The following NLRC3 variants were observed in gnomAD, a reference collection of about 807,000 sequenced individuals.
NLRC3 encodes the protein NLR family CARD domain-containing protein 3.
Under a neutral mutation model 91.6 loss-of-function variants are expected in NLRC3, and 87 were observed. The observed-to-expected ratio is 0.95, with a 90% confidence interval of 0.80 to 1.14. The LOEUF is 1.14. NLRC3 is among the 50% of genes most tolerant of loss of function. The pLI, the probability that NLRC3 is intolerant of heterozygous loss-of-function variation, is 0.00. For synonymous variants in NLRC3, 694 were observed against 625.3 expected (o/e 1.11, Z -1.64); for missense variants, 1,577 against 1,418.6 (o/e 1.11, Z -1.79).
intron 10 of NLRC3, among the ~76,000 whole-genome samples, chr16:3,551,975 C>G (rs55840537): frequency 9.6e-6 from 1 of 103,740 alleles, no homozygotes; most frequent in Non-Finnish European, 2.0e-5. Context: ...CAGTGTATCC[C>G]TTCATTCATC....
At chr16:3,542,464 C>T (rs895717751) in intron 18 of NLRC3, among the ~76,000 whole-genome samples, 190 bp from the exon 19 acceptor site, 5 of 152,170 alleles carry the variant, frequency 3.3e-5, no homozygotes, top group East Asian at 1.9e-4. Flanking sequence ...CACGCAAGTG[C>T]GCTGGAGGAT....
Position 3,558,066 on chromosome 16 carries a change from G to A in NLRC3, c.2016-390C>T, listed in dbSNP as rs747084078. ...CAAAATTTCAAAAACTGGGCTGTGC[G>A]TGGTGGCTCATGCCTATACAATCCC... On this transcript the variant is annotated intron_variant, in intron 6 of 19. Transcript: ENST00000359128. Among the ~76,000 whole-genome samples, 24 of 152,338 alleles carry A rather than the reference G, an allele frequency of 1.6e-4. No individual in the cohort carries two copies. The East Asian group carries it at 2.3e-3, about 15-fold the overall frequency.
intron 11 of NLRC3, 46 bp downstream of exon 11, chr16:3,550,368 G>T: frequency 7.4e-7 from 1 of 1,352,274 alleles, no homozygotes; most frequent in South Asian, 1.2e-5. Context: ...ACTATCTACT[G>T]GAAAGAGAAC....
rs982779950 is a variant in NLRC3, at chr16:3,572,990, C to T, written c.-169+4159G>A. On this transcript the variant is annotated intron_variant, in intron 1 of 19. Transcript: ENST00000359128. ...TGGTGCCACTGCACTCTAGCCTGGG[C>T]GATAGAGCAAGACTCTATCTCAAAA... 1.4e-4 allele frequency among the ~76,000 whole-genome samples: 17 copies of T among 124,766 alleles called. 1 individual carries two copies. The highest frequency in any genetic ancestry group is 6.3e-3 in the Middle Eastern group (1 of 160). The allele number at this position is 124,766 out of a possible 152,430, so 81.9% of individuals were successfully genotyped here.
At chr16:3,546,450 G>A (rs573176567) in intron 15 of NLRC3, among the ~76,000 whole-genome samples, 5 of 151,722 alleles carry the variant, frequency 3.3e-5, no homozygotes, top group East Asian at 1.9e-4. Flanking sequence ...CCAGCTACTC[G>A]GGAGGCTAAG....
At position 3,540,928 on chromosome 16, in the gene NLRC3, G is replaced by T. The variant is rs1298089845; in HGVS notation, c.*897C>A. ...TTGTAATAAATAAAAAATGGGGCCA[G>T]GTGTGGTGGCTCATGCCTGTAATCC... On this transcript the variant is annotated 3_prime_UTR_variant, in exon 20 of 20. Coordinates refer to ENST00000359128, the MANE Select transcript of NLRC3 (RefSeq NM_178844.4). 1 of 152,306 alleles carries T rather than the reference G, an allele frequency of 6.6e-6. No individual in the cohort carries two copies. The highest frequency in any genetic ancestry group is 2.4e-5 in the African/African-American group (1 of 41,464). The allele number at this position is 152,306 out of a possible 1,614,324, so 9.4% of individuals were successfully genotyped here. A position where few individuals can be genotyped will look rare whatever the true frequency, so the allele number is the denominator to read the frequency against.
intron 7 of NLRC3, among the ~76,000 whole-genome samples, 185 bp downstream of exon 7, chr16:3,557,407 GA>G (rs1479779428): frequency 3.3e-5 from 5 of 152,180 alleles, no homozygotes; most frequent in Non-Finnish European, 7.3e-5. Context: ...AGGAGTCTTA[GA>G]ACCTGCTCCA....
Position 3,562,967 on chromosome 16 carries a change from T to C in NLRC3, c.1928+42A>G, listed in dbSNP as rs898997789. ...GGAGGGGACGGCTTCTGCTCTCTCC[T>C]CTGCCCCTTCCCCAGCCCCTGCCCC... On this transcript the variant is annotated intron_variant, in intron 5 of 19. Coordinates refer to ENST00000359128, the MANE Select transcript of NLRC3 (RefSeq NM_178844.4). 42 of 1,521,802 alleles carry C rather than the reference T, an allele frequency of 2.8e-5. No homozygotes were observed. In the African/African-American group the frequency reaches 4.8e-4, roughly 17 times the overall value. The allele number at this position is 1,521,802 out of a possible 1,614,324, so 94.3% of individuals were successfully genotyped here.
At position 3,563,165 on chromosome 16, in the gene NLRC3, G is replaced by T. The variant is rs2039686834; in HGVS notation, c.1772C>A (p.Ala591Asp). The change falls in exon 5 of 20, where the codon GCC (alanine) becomes GAC (aspartate). Residue 591 changes from alanine (A) to aspartate (D), a missense_variant. Ala to Asp is a moderately radical substitution (Grantham distance 126). Coordinates refer to ENST00000359128, the MANE Select transcript of NLRC3 (RefSeq NM_178844.4). The stretch of plus-strand genomic sequence containing the variant: ...CGCGGGACCAGTCAGCCTGGCCAGG[G>T]CCCCGCTCTCCATGGCCTCCTCCAC... Reference protein sequence around the residue: ...RSVEEAMESGALARLTGPAHR... With the variant: ...RSVEEAMESGDLARLTGPAHR... 1 of 1,591,412 alleles carries T rather than the reference G, an allele frequency of 6.3e-7. No homozygotes were observed. Among genetic ancestry groups the T allele is most frequent in the Non-Finnish European group, 8.5e-7 (1 of 1,171,424 alleles).
In NLRC3 at chr16:3,564,962, C is replaced by T. The variant is rs2039811778; in HGVS notation, c.75G>A (p.Val25=). 5 of 1,610,720 alleles carry T rather than the reference C, an allele frequency of 3.1e-6. No individual in the cohort carries two copies. The highest frequency in any genetic ancestry group is 1.7e-5 in the Admixed American group (1 of 59,966). The change falls in exon 4 of 20, where the codon GTG becomes GTA. Residue 25 remains valine (V), a synonymous_variant. Transcript: ENST00000359128. The surrounding 1 kb of genome is among the most constrained non-coding windows in gnomAD (Gnocchi z 5.9). ...CAGCCAGCAGATCCATGAGGGCTTT[C>T]ACCTGCTCGGCTGGGGAGCCCGTAC... ...GHGTGSPAEQ[V]KALMDLLAGK... is the part of the protein sequence containing the mutation.
At chr16:3,554,955 T>C (rs1258524038) in intron 8 of NLRC3, among the ~76,000 whole-genome samples, 1 of 152,042 alleles carries the variant, frequency 6.6e-6, no homozygotes, top group Non-Finnish European at 1.5e-5. Flanking sequence ...AGAGGCTGGG[T>C]ACAGTGGCTC....
Position 3,542,230 on chromosome 16 carries a change from G to A in NLRC3, c.3068C>T (p.Ala1023Val), listed in dbSNP as rs780808147. 13 of 1,594,974 alleles carry A rather than the reference G, an allele frequency of 8.2e-6. No homozygotes were observed. Among genetic ancestry groups the A allele is most frequent in the Non-Finnish European group, 1.1e-5 (13 of 1,170,630 alleles). ...CCTGTGGTTTCCAGACAGTGCTGTG[G>A]CAATGCATATCGCCCCGTCCATCCC... ...SLGMDGAICI[A>V]TALSGNHRLQ... The change falls in exon 19 of 20, where the codon GCC becomes GTC. Residue 1023 changes from alanine (A) to valine (V), a missense_variant. Ala to Val is a moderately conservative substitution (Grantham distance 64). Transcript: ENST00000359128.
chr16:3,567,521 C>G (rs2039928688), intron 1 of NLRC3, 197 bp from the exon 2 acceptor site: 1 of 152,228 alleles, frequency 6.6e-6, no homozygotes, highest in South Asian at 2.1e-4. Flanking sequence ...CGCCTGTAAT[C>G]CCAGCATTTT....
chr16:3,563,109 C>T lies in NLRC3; in HGVS notation c.1828G>A (p.Val610Met). ...HRAALAYLLQ[V>M]SDACAQEANL... ...GCCTCCTGGGCACAGGCGTCGGACACCTGCAGGAGGTAGGCCAGGGCAGCG... is the reference window on the plus strand; with the variant it reads ...GCCTCCTGGGCACAGGCGTCGGACATCTGCAGGAGGTAGGCCAGGGCAGCG... The change falls in exon 5 of 20, where the codon GTG becomes ATG. Residue 610 changes from valine to methionine, a missense_variant. Physicochemically the swap from Val to Met is conservative, Grantham distance 21. Coordinates refer to ENST00000359128, the MANE Select transcript of NLRC3 (RefSeq NM_178844.4). The T allele has an allele frequency of 1.3e-6, 2 of 1,579,000 alleles. No homozygotes were observed. The highest frequency in any genetic ancestry group is 1.7e-6 in the Non-Finnish European group (2 of 1,163,322).
intron 1 of NLRC3, among the ~76,000 whole-genome samples, chr16:3,567,953 C>G (rs1178195440): frequency 6.6e-6 from 1 of 151,126 alleles, no homozygotes; most frequent in African/African-American, 2.4e-5. Flanking sequence ...GAAACTTCTG[C>G]CTCCCAGGTT....
rs376424417 is a variant in NLRC3 at position 3,549,772 on chromosome 16, C to T, written c.2444G>A (p.Ser815Asn). Reference protein sequence around the residue: ...NQGLESLDLQSNSISDAGVAA... With the variant: ...NQGLESLDLQNNSISDAGVAA... ...CACTCCTGCGTCACTGATGGAATTG[C>T]TCTGCAGGCTGCGGAAAGAGGAGGC... The change falls in exon 12 of 20, where the codon AGC (serine) becomes AAC (asparagine). Residue 815 changes from serine (S) to asparagine (N), a missense_variant. Ser to Asn is a conservative substitution (Grantham distance 46, BLOSUM62 1). Transcript: ENST00000359128. 2.8e-4 allele frequency: 432 copies of T among 1,550,524 alleles called. No individual in the cohort carries two copies. Among genetic ancestry groups the T allele is most frequent in the Non-Finnish European group, 3.3e-4 (377 of 1,146,754 alleles).
chr16:3,563,765 T>C lies in NLRC3; in HGVS notation c.1172A>G (p.His391Arg). 7.4e-6 allele frequency: 12 copies of C among 1,613,312 alleles called. No homozygotes were observed. The highest frequency in any genetic ancestry group is 1.0e-5 in the Non-Finnish European group (12 of 1,179,714). Residue 391 changes from histidine (H) to arginine (R), a missense_variant, in exon 5 of 20, where the codon CAT becomes CGT. His to Arg is a conservative substitution (Grantham distance 29, BLOSUM62 0). Coordinates refer to ENST00000359128, the MANE Select transcript of NLRC3 (RefSeq NM_178844.4). ...KASPRIEQVA[H>R]GGRKMVGTLG... is the part of the protein sequence containing the mutation. ...TGTCCCCACCATCTTGCGGCCACCA[T>C]GGGCCACCTGCTCGATGCGAGGGCT...
Position 3,573,715 on chromosome 16 carries a change from T to C in NLRC3, c.-169+3434A>G, listed in dbSNP as rs184132020. 3.2e-3 allele frequency among the ~76,000 whole-genome samples: 485 copies of C among 152,262 alleles called. 3 individuals carry two copies. Among genetic ancestry groups the C allele is most frequent in the Non-Finnish European group, 4.4e-3 (298 of 68,022 alleles). On this transcript the variant is annotated intron_variant, in intron 1 of 19. Transcript: ENST00000359128. ...TGGTAGGGCATCATTTGGGGTCTTATTGATTGATTGATTTAAAATTTTGGT... is the reference window on the plus strand; with the variant it reads ...TGGTAGGGCATCATTTGGGGTCTTACTGATTGATTGATTTAAAATTTTGGT...
intron 6 of NLRC3, among the ~76,000 whole-genome samples, chr16:3,559,196 A>C (rs1275996517): frequency 6.6e-6 from 1 of 152,174 alleles, no homozygotes; most frequent in Non-Finnish European, 1.5e-5. Context: ...AAATGTTCTC[A>C]AATTCTAGAG....
Sources: gnomAD v4.1 joint callset for allele counts (sites outside exome capture counted in the v4.1 genomes callset) on GRCh38, gnomAD v4.1.1 for gene constraint, Gnocchi (gnomAD v3.1) non-coding constraint, MANE v1.5 for transcripts, NCBI Gene and HGNC (gene_info 2026-07-23, HGNC 2026-07-21) for gene names.